Variants in PRCP observed in about 807,000 individuals in gnomAD.
PRCP encodes lysosomal Pro-X carboxypeptidase.
Under a neutral mutation model 54.2 loss-of-function variants are expected in PRCP, and 46 were observed. The ratio of observed to expected loss-of-function variants is 0.85; its 90% CI spans 0.67 to 1.09. The LOEUF (loss-of-function observed/expected upper bound fraction) is 1.09. Ranked by LOEUF, PRCP falls within the 50% of genes least tolerant of loss-of-function variation. The pLI, the probability that PRCP is intolerant of heterozygous loss-of-function variation, is 0.00. For missense variants in PRCP, 613 were observed against 596.8 expected, an observed-to-expected ratio of 1.03 and a Z score of -0.28; for synonymous variants, 240 against 212.2, an observed-to-expected ratio of 1.13 and a Z score of -1.14.
intron 8 of PRCP, among the ~76,000 whole-genome samples, chr11:82,834,890 C>T (rs934006832): frequency 3.5e-4 from 53 of 152,244 alleles, no homozygotes; most frequent in African/African-American, 1.2e-3. Context: ...GCCTGGCCAG[C>T]GTGGTGAAAC....
chr11:82,858,879 G>T (rs908365241), intron 2 of PRCP: 13 of 152,072 alleles, frequency 8.5e-5, no homozygotes, highest in Non-Finnish European at 1.5e-4. Context: ...TCATTTCTCT[G>T]GGAAGTATTT....
intron 7 of PRCP, 69 bp downstream of exon 7, chr11:82,839,192 G>A: frequency 3.3e-6 from 5 of 1,512,298 alleles, no homozygotes; most frequent in South Asian, 1.3e-5. Flanking sequence ...TGTGTACCCT[G>A]ATTTTTTTTT....
At chr11:82,859,706 C>T (rs1304445591) in intron 2 of PRCP, among the ~76,000 whole-genome samples, 1 of 152,088 alleles carries the variant, frequency 6.6e-6, no homozygotes, top group Non-Finnish European at 1.5e-5. Flanking sequence ...ATTCAATTCT[C>T]CAAAAATTGT....
rs73506387 is a variant in PRCP at position 82,863,911 on chromosome 11, T to C, written c.169-3794A>G. On this transcript the variant is annotated intron_variant, in intron 1 of 8. Transcript: ENST00000313010. Reference sequence around the variant, plus strand: ...AAGCAGACTTCGGAGTTAAAAGACCTGAACTTGAATCTCTTCTAACTGTGA... The same window carrying C: ...AAGCAGACTTCGGAGTTAAAAGACCCGAACTTGAATCTCTTCTAACTGTGA... 1.6e-3 allele frequency among the ~76,000 whole-genome samples: 237 copies of C among 152,334 alleles called. 2 individuals carry two copies. The highest frequency in any genetic ancestry group is 5.3e-3 in the African/African-American group (222 of 41,584).
chr11:82,900,322 C>T lies in PRCP; in HGVS notation c.81G>A (p.Arg27=), dbSNP rs1410955730. ...TTGGCAAGTGTAGGCTGCCGAGGGCCCTTAAGGCCGGCCGGAGGGCTATGG... is the reference window on the plus strand; with the variant it reads ...TTGGCAAGTGTAGGCTGCCGAGGGCTCTTAAGGCCGGCCGGAGGGCTATGG... ...WATIALRPAL[R]ALGSLHLPTN... Residue 27 remains arginine, a synonymous_variant, in exon 1 of 9, where the codon AGG becomes AGA. Coordinates refer to ENST00000313010, the MANE Select transcript of PRCP (RefSeq NM_005040.4). 1 of 1,614,208 alleles carries T rather than the reference C, an allele frequency of 6.2e-7. No individual in the cohort carries two copies.
At chr11:82,847,929 G>A (rs1283172201) in intron 6 of PRCP, among the ~76,000 whole-genome samples, 1 of 152,108 alleles carries the variant, frequency 6.6e-6, no homozygotes, top group African/African-American at 2.4e-5. Context: ...AACATGATCT[G>A]CTCTTTTCAA....
chr11:82,846,024 G>A (rs1591045374), intron 6 of PRCP: 1 of 152,314 alleles, frequency 6.6e-6, no homozygotes, highest in South Asian at 2.1e-4. Flanking sequence ...CGCTGCCCAT[G>A]GATCCTTCAG....
intron 6 of PRCP, chr11:82,840,414 T>C (rs1858633491): frequency 6.6e-6 from 1 of 152,214 alleles, no homozygotes. Context: ...TTAATGATAA[T>C]AAAGCTGAAG....
chr11:82,844,598 T>G (rs1301561532), intron 6 of PRCP, among the ~76,000 whole-genome samples: 3 of 149,960 alleles, frequency 2.0e-5, no homozygotes, highest in Non-Finnish European at 4.4e-5. Context: ...TCAGGCACAG[T>G]GGTGGGTGCC....
intron 1 of PRCP, among the ~76,000 whole-genome samples, chr11:82,899,551 T>C (rs1860202991): frequency 6.6e-6 from 1 of 152,208 alleles, no homozygotes; most frequent in Non-Finnish European, 1.5e-5. Context: ...TCAAGACCTG[T>C]GGGGGAATGC....
intron 1 of PRCP, among the ~76,000 whole-genome samples, chr11:82,868,983 C>T (rs139436728): frequency 6.5e-4 from 99 of 152,216 alleles, no homozygotes; most frequent in African/African-American, 2.4e-3. Flanking sequence ...TTGCGGTAAG[C>T]CAAGATCACA....
rs190442829 is a variant in PRCP, at chr11:82,840,071, T to G, written c.922-646A>C. The stretch of plus-strand genomic sequence containing the variant: ...ACTATACTTTTATAAAAATGCAAAA[T>G]TTATAAAATCTCGTATGGAAAAACT... On this transcript the variant is annotated intron_variant, in intron 6 of 8. Transcript: ENST00000313010. 4 of 152,068 alleles carry G rather than the reference T, an allele frequency of 2.6e-5. No homozygotes were observed. The East Asian group carries it at 7.7e-4, about 29-fold the overall frequency. The allele number at this position is 152,068 out of a possible 1,614,324, so 9.4% of individuals were successfully genotyped here.
At chr11:82,850,640 G>T in intron 3 of PRCP, 135 bp from the exon 4 acceptor site, 1 of 577,060 alleles carries the variant, frequency 1.7e-6, no homozygotes, top group Non-Finnish European at 2.6e-6. Context: ...GAGCTAAAAT[G>T]CCTAGTCAAA....
At chr11:82,832,197 T>C (rs372186188) in intron 8 of PRCP, among the ~76,000 whole-genome samples, 72 of 152,314 alleles carry the variant, frequency 4.7e-4, no homozygotes, top group African/African-American at 1.7e-3. Context: ...TGTGTCTTTT[T>C]AGAATGATTT....
chr11:82,879,034 T>C (rs1406659613), intron 1 of PRCP, among the ~76,000 whole-genome samples: 1 of 152,146 alleles, frequency 6.6e-6, no homozygotes, highest in African/African-American at 2.4e-5. Context: ...TCTCGAGGAG[T>C]ATCTTTGTGG....
At chr11:82,882,875 A>ACACACT (rs71274460) in intron 1 of PRCP, among the ~76,000 whole-genome samples, 4 of 149,128 alleles carry the variant, frequency 2.7e-5, no homozygotes, top group East Asian at 1.9e-4. Flanking sequence ...ACACACACAC[A>ACACACT]GCCCTACTGC....
At position 82,900,260 on chromosome 11, in the gene PRCP, T is replaced by C. The variant is rs772448734; in HGVS notation, c.143A>G (p.Tyr48Cys). The stretch of plus-strand genomic sequence containing the variant: ...CTTCTGTTGGAAGTAGAGAACCGAA[T>C]AGTTCTTGGCTACAGCCGGGAGGGA... ...PTSLPAVAKN[Y>C]SVLYFQQKVD... The change falls in exon 1 of 9, where the codon TAT becomes TGT. Residue 48 changes from tyrosine to cysteine, a missense_variant. Coordinates refer to ENST00000313010, the MANE Select transcript of PRCP (RefSeq NM_005040.4). The C allele has an allele frequency of 3.7e-6, 6 of 1,614,194 alleles. No individual in the cohort carries two copies. The highest frequency in any genetic ancestry group is 4.2e-6 in the Non-Finnish European group (5 of 1,180,024).
At chr11:82,895,579 AG>A (rs1322027411) in intron 1 of PRCP, among the ~76,000 whole-genome samples, 1 of 152,216 alleles carries the variant, frequency 6.6e-6, no homozygotes, top group East Asian at 1.9e-4. Flanking sequence ...ATGATCTCTA[AG>A]GCCCCTTCTA....
intron 1 of PRCP, among the ~76,000 whole-genome samples, chr11:82,881,305 A>C (rs1177048081): frequency 6.6e-6 from 1 of 152,230 alleles, no homozygotes; most frequent in Non-Finnish European, 1.5e-5. Context: ...ATTAATTCTC[A>C]CTTAATGGCT....
Sources: gnomAD v4.1 joint callset for allele counts (sites outside exome capture counted in the v4.1 genomes callset) on GRCh38, gnomAD v4.1.1 for gene constraint, MANE v1.5 for transcripts, NCBI Gene and HGNC (gene_info 2026-07-23, HGNC 2026-07-21) for gene names.